The following SIPA1L3 variants were observed in gnomAD, a reference collection of about 807,000 sequenced individuals.
SIPA1L3 encodes signal induced proliferation associated 1 like 3, also known as signal-induced proliferation-associated 1-like protein 3.
In SIPA1L3, 59 loss-of-function variants were observed where a neutral mutation model predicts 150.1. The ratio of observed to expected loss-of-function variants is 0.39; its 90% confidence interval spans 0.32 to 0.49. The LOEUF (loss-of-function observed/expected upper bound fraction) is 0.49, where lower values mean the gene tolerates loss of function less well. Among genes scored for constraint, SIPA1L3 ranks in the 20% least tolerant of loss-of-function variants. The pLI is 0.86. For synonymous variants in SIPA1L3, 1,070 were observed against 1,077.6 expected (o/e 0.99, Z 0.14); for missense variants, 2,211 against 2,489.5 (o/e 0.89, Z 2.38).
intron 1 of SIPA1L3, among the ~76,000 whole-genome samples, chr19:37,926,250 C>T (rs970280268): frequency 6.6e-6 from 1 of 152,308 alleles, no homozygotes; most frequent in South Asian, 2.1e-4. Flanking sequence ...GTGACAGGCC[C>T]AACAGTGCCT....
intron 1 of SIPA1L3, among the ~76,000 whole-genome samples, chr19:37,967,051 AGTCTGAGATCAAG>A (rs1294729789): frequency 1.3e-5 from 2 of 152,142 alleles, no homozygotes; most frequent in Non-Finnish European, 2.9e-5. Flanking sequence ...GGGGGCCAGA[AGTCTGAGATCAAG>A]GTCTGGGCTC....
At chr19:37,993,105 A>G (rs757336024) in intron 1 of SIPA1L3, among the ~76,000 whole-genome samples, 3 of 152,134 alleles carry the variant, frequency 2.0e-5, no homozygotes, top group East Asian at 3.9e-4. Context: ...GGTGGGCCCT[A>G]TGGTCAGTCA....
intron 3 of SIPA1L3, among the ~76,000 whole-genome samples, chr19:38,088,021 G>GA (rs945739790): frequency 7.2e-5 from 11 of 151,762 alleles, no homozygotes; most frequent in East Asian, 1.9e-4. Flanking sequence ...GAAAAAAAAA[G>GA]AAAAAAAGCA....
chr19:38,082,009 C>G lies in SIPA1L3; in HGVS notation c.444C>G (p.Asp148Glu), dbSNP rs759551220. ...GACTCTCCAGGAGAAGGTCCAAAGA[C>G]GTGGAGTTCCAGGACGGGTGGCCCC... is the stretch of plus-strand genomic sequence containing the variant. ...FHRLSRRRSK[D>E]VEFQDGWPRS... The change falls in exon 3 of 22, where the codon GAC becomes GAG. Residue 148 changes from aspartate to glutamate, a missense_variant. Around this residue, in one of 5 missense-constraint regions of SIPA1L3, gnomAD observed 587 missense variants for 534.5 expected, o/e 1.10. Coordinates refer to ENST00000222345, the MANE Select transcript of SIPA1L3 (RefSeq NM_015073.3). 4 of 1,614,206 alleles carry G rather than the reference C, an allele frequency of 2.5e-6. No homozygotes were observed. Among genetic ancestry groups the G allele is most frequent in the Non-Finnish European group, 3.4e-6 (4 of 1,180,002 alleles).
chr19:37,908,861 T>A (rs1368119657), intron 1 of SIPA1L3, among the ~76,000 whole-genome samples: 10 of 152,212 alleles, frequency 6.6e-5, no homozygotes. Context: ...ATTATTGTCC[T>A]GGTGCTGCCA....
At chr19:37,943,459 G>T (rs1044797406) in intron 1 of SIPA1L3, among the ~76,000 whole-genome samples, 4 of 152,128 alleles carry the variant, frequency 2.6e-5, no homozygotes, top group Admixed American at 2.6e-4. Context: ...AAGTCAAGAG[G>T]GGATCAAATC....
Position 38,119,731 on chromosome 19 carries a change from AGGT to A in SIPA1L3, c.2722_2724del (p.Val908del). 1 of 1,614,102 alleles carries A rather than the reference AGGT, an allele frequency of 6.2e-7. No individual in the cohort carries two copies. Among genetic ancestry groups the A allele is most frequent in the Non-Finnish European group, 8.5e-7 (1 of 1,180,012 alleles). On this transcript the variant is annotated inframe_deletion, in exon 9 of 22. Coordinates refer to ENST00000222345, the MANE Select transcript of SIPA1L3 (RefSeq NM_015073.3). Reference sequence around the variant, plus strand: ...GTGCTCCTGGACTTACGCACCAAGGAGGTGGTGTTCAACTGCTACTGCGGGGAT... The same window carrying A: ...GTGCTCCTGGACTTACGCACCAAGGAGGTGTTCAACTGCTACTGCGGGGAT...
chr19:38,038,216 C>G (rs1353048823), intron 2 of SIPA1L3, among the ~76,000 whole-genome samples: 1 of 152,238 alleles, frequency 6.6e-6, no homozygotes, highest in African/African-American at 2.4e-5. Context: ...GTGGACAGGA[C>G]TTGCTAATGG....
intron 10 of SIPA1L3, among the ~76,000 whole-genome samples, chr19:38,134,403 C>CAAAAAAA (rs1175309814): frequency 1.6e-5 from 1 of 64,052 alleles, no homozygotes; most frequent in Non-Finnish European, 2.9e-5. Flanking sequence ...CAAGCTTTCT[C>CAAAAAAA]AAAAAAAAAA....
chr19:38,206,357 C>T lies in SIPA1L3; in HGVS notation c.*117C>T. 8.0e-7 allele frequency: 1 copy of T among 1,244,448 alleles called. No homozygotes were observed. The highest frequency in any genetic ancestry group is 1.1e-6 in the Non-Finnish European group (1 of 913,204). The allele number at this position is 1,244,448 out of a possible 1,614,324, so 77.1% of individuals were successfully genotyped here. A position where few individuals can be genotyped will look rare whatever the true frequency, so the allele number is the denominator to read the frequency against. The stretch of plus-strand genomic sequence containing the variant: ...ACCAAGATGACCCATCCAGGGCCCT[C>T]CCCATGGACACGGAAACTCCGATGG... On this transcript the variant is annotated 3_prime_UTR_variant, in exon 22 of 22. Coordinates refer to ENST00000222345, the MANE Select transcript of SIPA1L3 (RefSeq NM_015073.3).
rs1341873351 is a variant in SIPA1L3, at chr19:38,044,093, GAGAGGGGGCT to G, written c.-311+14940_-311+14949del. Among the ~76,000 whole-genome samples the G allele has an allele frequency of 2.0e-5, 3 of 152,198 alleles. No individual in the cohort carries two copies. The East Asian group carries it at 5.8e-4, about 29-fold the overall frequency. On this transcript the variant is annotated intron_variant, in intron 2 of 21. Coordinates refer to ENST00000222345, the MANE Select transcript of SIPA1L3 (RefSeq NM_015073.3). ...GGCCTGGATGTAGGGGTGAGAGAAAGAGAGGGGGCTAGGATGACCCTGAGGTTTGGGCCTG... is the reference window on the plus strand; with the variant it reads ...GGCCTGGATGTAGGGGTGAGAGAAAGAGGATGACCCTGAGGTTTGGGCCTG...
rs1398657582 is a variant in SIPA1L3 at position 38,201,937 on chromosome 19, T to C, written c.5060T>C (p.Val1687Ala). The change falls in exon 20 of 22, where the codon GTC (valine) becomes GCC (alanine). Residue 1687 changes from valine (V) to alanine (A), a missense_variant. Physicochemically the swap from Val to Ala is moderately conservative, Grantham distance 64. Transcript: ENST00000222345. ...SPDIPPAHSPVHSHLSLERGP... is the reference protein window; with the variant it reads ...SPDIPPAHSPAHSHLSLERGP... Reference sequence around the variant, plus strand: ...GACATCCCGCCTGCACACAGTCCTGTCCACAGCCACCTGAGCCTGGAGAGG... The same window carrying C: ...GACATCCCGCCTGCACACAGTCCTGCCCACAGCCACCTGAGCCTGGAGAGG... The C allele has an allele frequency of 6.2e-7, 1 of 1,613,764 alleles. No individual in the cohort carries two copies. Among genetic ancestry groups the C allele is most frequent in the African/African-American group, 1.3e-5 (1 of 74,888 alleles).
intron 13 of SIPA1L3, among the ~76,000 whole-genome samples, chr19:38,158,210 G>A (rs1971993700): frequency 6.6e-6 from 1 of 152,140 alleles, no homozygotes; most frequent in Non-Finnish European, 1.5e-5. Flanking sequence ...TCCAGCCTGG[G>A]CAACAGAGCA....
chr19:38,081,485 G>C lies in SIPA1L3; in HGVS notation c.-81G>C. On this transcript the variant is annotated 5_prime_UTR_variant, in exon 3 of 22. Coordinates refer to ENST00000222345, the MANE Select transcript of SIPA1L3 (RefSeq NM_015073.3). ...CCTTCATCCTGGGCCTGGCTGCCCTGAACAATGGCTGAGGGCTGGGGGACC... is the reference window on the plus strand; with the variant it reads ...CCTTCATCCTGGGCCTGGCTGCCCTCAACAATGGCTGAGGGCTGGGGGACC... 1 of 1,389,788 alleles carries C rather than the reference G, an allele frequency of 7.2e-7. No homozygotes were observed. Among genetic ancestry groups the C allele is most frequent in the South Asian group, 1.4e-5 (1 of 72,882 alleles). 86.1% of individuals were successfully genotyped at this position (1,389,788 alleles called of 1,614,324 possible).
intron 2 of SIPA1L3, among the ~76,000 whole-genome samples, chr19:38,048,954 A>C (rs550986650): frequency 6.6e-6 from 1 of 152,188 alleles, no homozygotes; most frequent in South Asian, 2.1e-4. Flanking sequence ...GTGGTAGTGC[A>C]CACCTGTAGT....
intron 1 of SIPA1L3, among the ~76,000 whole-genome samples, chr19:37,965,317 G>GTTTTTTTTTTTTTTTTTTTTT (rs566071263): frequency 7.5e-6 from 1 of 133,698 alleles, no homozygotes; most frequent in African/African-American, 2.8e-5. Flanking sequence ...TATATTTCTA[G>GTTTTTTTTTTTTTTTTTTTTT]TTTTTTTTTT....
intron 10 of SIPA1L3, among the ~76,000 whole-genome samples, chr19:38,132,064 GTCTCTGCA>G (rs899405191): frequency 1.3e-5 from 2 of 151,512 alleles, no homozygotes; most frequent in Non-Finnish European, 2.9e-5. Context: ...GTGAGACCCC[GTCTCTGCA>G]TCTCTGCATC....
chr19:38,109,976 T>C (rs1197134443), intron 7 of SIPA1L3: 7 of 446,836 alleles, frequency 1.6e-5, no homozygotes, highest in Non-Finnish European at 2.9e-5. Flanking sequence ...AGGAAGAATG[T>C]TCCTAGCAGA....
At chr19:38,122,878 C>T (rs1039611313) in intron 9 of SIPA1L3, among the ~76,000 whole-genome samples, 15 of 152,298 alleles carry the variant, frequency 9.8e-5, no homozygotes, top group Admixed American at 8.5e-4. Context: ...GGTGAGGCCT[C>T]GTTATCTAAG....
Sources: gnomAD v4.1 joint callset for allele counts (sites outside exome capture counted in the v4.1 genomes callset) on GRCh38, gnomAD v4.1.1 for gene constraint, gnomAD v4.1.1 regional missense constraint, MANE v1.5 for transcripts, NCBI Gene and HGNC (gene_info 2026-07-23, HGNC 2026-07-21) for gene names.